ATOSA: variants seen among roughly 807,000 people sequenced by gnomAD.
The protein encoded by ATOSA is atos homolog A.
At chr15:52,628,162 T>G in the ATOSA span, among the ~76,000 whole-genome samples, 1 of 152,162 alleles carries the variant, frequency 6.6e-6, no homozygotes, top group Non-Finnish European at 1.5e-5. Context: ...TCTTCATGTC[T>G]GCAGACATTG....
At chr15:52,633,988 T>C in the ATOSA span, among the ~76,000 whole-genome samples, 1 of 152,132 alleles carries the variant, frequency 6.6e-6, no homozygotes, top group Admixed American at 6.5e-5. Context: ...TGGCATAATA[T>C]TGCTTGGAGG....
the ATOSA span, among the ~76,000 whole-genome samples, chr15:52,583,919 T>C: frequency 2.2e-4 from 34 of 152,014 alleles, no homozygotes; most frequent in African/African-American, 8.2e-4. Context: ...TGTATGGGAC[T>C]TGAGTGTACA....
At chr15:52,664,885 C>G in the ATOSA span, among the ~76,000 whole-genome samples, 1 of 150,628 alleles carries the variant, frequency 6.6e-6, no homozygotes. Context: ...GTGTAGTGAC[C>G]TATGATCATG....
At chr15:52,677,398 A>T in the ATOSA span, among the ~76,000 whole-genome samples, 5 of 152,352 alleles carry the variant, frequency 3.3e-5, no homozygotes, top group African/African-American at 1.2e-4. Context: ...CTTGAAAAGC[A>T]GTGTATATAT....
chr15:52,613,824 T>C, the ATOSA span: 27 of 1,613,898 alleles, frequency 1.7e-5, 2 homozygotes, highest in Middle Eastern at 4.1e-3. Flanking sequence ...CAAGAACTCC[T>C]CTGCATCATA....
the ATOSA span, among the ~76,000 whole-genome samples, chr15:52,663,939 G>T: frequency 4.6e-4 from 70 of 152,272 alleles, 1 homozygote; most frequent in African/African-American, 1.4e-3. Context: ...AGTTGAAATA[G>T]ATATACGTAT....
At chr15:52,671,426 A>T in the ATOSA span, among the ~76,000 whole-genome samples, 2 of 152,184 alleles carry the variant, frequency 1.3e-5, no homozygotes, top group African/African-American at 4.8e-5. Flanking sequence ...ACTGAGACAT[A>T]CAAGTCATTC....
At chr15:52,611,805 G>A in the ATOSA span, 1 of 1,605,442 alleles carries the variant, frequency 6.2e-7, no homozygotes, top group South Asian at 1.1e-5. Context: ...TAAGCAAAAT[G>A]TCTCAAAAAC....
the ATOSA span, among the ~76,000 whole-genome samples, chr15:52,662,309 T>TAC: frequency 6.6e-6 from 1 of 152,102 alleles, no homozygotes; most frequent in Non-Finnish European, 1.5e-5. Context: ...AACTGAAGGG[T>TAC]ATGAAAGCCT....
the ATOSA span, chr15:52,600,064 A>G: frequency 8.1e-6 from 6 of 736,448 alleles, no homozygotes; most frequent in Non-Finnish European, 1.1e-5. Flanking sequence ...AGACATATAA[A>G]ATGACACCCT....
chr15:52,697,196 C>T, the ATOSA span, among the ~76,000 whole-genome samples: 1 of 152,204 alleles, frequency 6.6e-6, no homozygotes, highest in Non-Finnish European at 1.5e-5. Context: ...TTTCATTCCT[C>T]TGGGCATTTG....
chr15:52,689,333 A>T, the ATOSA span, among the ~76,000 whole-genome samples: 1 of 152,160 alleles, frequency 6.6e-6, no homozygotes. Context: ...CTCTCAGTAA[A>T]TTATGGCTCA....
the ATOSA span, among the ~76,000 whole-genome samples, chr15:52,585,547 A>G: frequency 6.6e-6 from 1 of 152,204 alleles, no homozygotes; most frequent in Admixed American, 6.5e-5. Flanking sequence ...ACTATTATTA[A>G]TTAATTAGAT....
the ATOSA span, chr15:52,652,191 TC>T: frequency 4.2e-6 from 3 of 710,010 alleles, no homozygotes; most frequent in African/African-American, 5.5e-5. Context: ...TCTTTGCTCG[TC>T]TTACAAACTC....
chr15:52,604,399 C>T, the ATOSA span, among the ~76,000 whole-genome samples: 274 of 152,252 alleles, frequency 1.8e-3, 1 homozygote, highest in East Asian at 0.025. Context: ...TGAACATACG[C>T]GAGATACTGT....
At chr15:52,586,282 G>A in the ATOSA span, 1 of 151,670 alleles carries the variant, frequency 6.6e-6, no homozygotes, top group Non-Finnish European at 1.5e-5. Flanking sequence ...ACGTACACAT[G>A]TTACATACTT....
At chr15:52,618,448 G>C in the ATOSA span, among the ~76,000 whole-genome samples, 1 of 152,126 alleles carries the variant, frequency 6.6e-6, no homozygotes, top group Admixed American at 6.6e-5. Context: ...ACAAAATTAT[G>C]CAAAACTAAC....
the ATOSA span, chr15:52,598,824 CG>C: frequency 6.6e-6 from 1 of 152,158 alleles, no homozygotes; most frequent in South Asian, 2.1e-4. Context: ...GGAGGTATTT[CG>C]GTCATGGAGG....
chr15:52,620,106 C>T, the ATOSA span, among the ~76,000 whole-genome samples: 47 of 152,192 alleles, frequency 3.1e-4, no homozygotes, highest in Non-Finnish European at 6.8e-4. Flanking sequence ...TAAAATTCCC[C>T]ACCTGTTCTG....
Sources: gnomAD v4.1 joint callset for allele counts (sites outside exome capture counted in the v4.1 genomes callset) on GRCh38, gnomAD v4.1.1 for gene constraint, MANE v1.5 for transcripts, NCBI Gene and HGNC (gene_info 2026-07-23, HGNC 2026-07-21) for gene names.